Variants in GDPD1 observed in about 807,000 individuals in gnomAD.
GDPD1 encodes the protein lysophospholipase D GDPD1.
Under a neutral mutation model 45.1 loss-of-function variants are expected in GDPD1, and 28 were observed. The ratio of observed to expected loss-of-function variants is 0.62; its 90% CI spans 0.46 to 0.85. The LOEUF (loss-of-function observed/expected upper bound fraction) is 0.85. GDPD1 is among the 40% of genes least tolerant of loss of function. The pLI is 0.00. For missense variants in GDPD1, 256 were observed against 364.8 expected (o/e 0.70, Z 2.43); for synonymous variants, 139 against 131.4 (o/e 1.06, Z -0.40).
chr17:59,251,876 T>C (rs1424888352), intron 4 of GDPD1, among the ~76,000 whole-genome samples: 1 of 148,150 alleles, frequency 6.7e-6, no homozygotes, highest in Non-Finnish European at 1.5e-5. Flanking sequence ...CCAGGCATGG[T>C]GGTATGCACC....
At chr17:59,258,353 G>A (rs2047325684) in intron 6 of GDPD1, among the ~76,000 whole-genome samples, 1 of 152,010 alleles carries the variant, frequency 6.6e-6, no homozygotes, top group African/African-American at 2.4e-5. Context: ...AGACCAACCT[G>A]GCCAATATGG....
intron 2 of GDPD1, among the ~76,000 whole-genome samples, chr17:59,244,508 T>C (rs2047196954): frequency 6.6e-6 from 1 of 152,100 alleles, no homozygotes; most frequent in Non-Finnish European, 1.5e-5. Context: ...TTTTTTTGTA[T>C]TTTTAGTAGA....
chr17:59,234,441 C>A (rs183724358), intron 1 of GDPD1, 51 bp from the exon 2 acceptor site: 4 of 1,104,746 alleles, frequency 3.6e-6, no homozygotes, highest in Non-Finnish European at 5.4e-6. Flanking sequence ...AAATTAACTT[C>A]AGGAAAATTA....
intron 8 of GDPD1, among the ~76,000 whole-genome samples, chr17:59,271,879 C>G (rs915671304): frequency 6.6e-6 from 1 of 152,030 alleles, no homozygotes; most frequent in Non-Finnish European, 1.5e-5. Flanking sequence ...ATGTGATCTG[C>G]CCACCTCAGC....
At chr17:59,255,627 C>T (rs2047290474) in intron 4 of GDPD1, among the ~76,000 whole-genome samples, 1 of 147,008 alleles carries the variant, frequency 6.8e-6, no homozygotes, top group African/African-American at 2.5e-5. Context: ...CCTGTAATCC[C>T]AGCTACTTAG....
chr17:59,266,127 T>G (rs1046005801), intron 6 of GDPD1, among the ~76,000 whole-genome samples: 4 of 151,852 alleles, frequency 2.6e-5, no homozygotes, highest in African/African-American at 9.7e-5. Flanking sequence ...TGGCTCACAC[T>G]TGTAATCCCA....
chr17:59,255,756 A>G (rs1463265503), intron 4 of GDPD1, among the ~76,000 whole-genome samples: 1 of 80,806 alleles, frequency 1.2e-5, no homozygotes, highest in Admixed American at 1.3e-4. Context: ...AAAAAAAAAA[A>G]AAAAAAATAT....
chr17:59,263,431 T>C (rs2047373407), intron 6 of GDPD1, among the ~76,000 whole-genome samples: 1 of 151,794 alleles, frequency 6.6e-6, no homozygotes, highest in African/African-American at 2.4e-5. Context: ...TCTTTCATAT[T>C]GCCAACATAC....
intron 7 of GDPD1, among the ~76,000 whole-genome samples, 188 bp downstream of exon 7, chr17:59,267,362 C>T (rs957554394): frequency 1.3e-5 from 2 of 152,076 alleles, no homozygotes; most frequent in African/African-American, 4.8e-5. Flanking sequence ...AATCAGGACC[C>T]ATCTCAGATT....
intron 7 of GDPD1, among the ~76,000 whole-genome samples, chr17:59,270,588 T>TTA (rs2047437200): frequency 6.6e-6 from 1 of 152,114 alleles, no homozygotes. Flanking sequence ...ATTTGCCACA[T>TTA]ACTAAATTGT....
At chr17:59,268,945 G>A (rs1301205499) in intron 7 of GDPD1, among the ~76,000 whole-genome samples, 1 of 151,936 alleles carries the variant, frequency 6.6e-6, no homozygotes, top group Non-Finnish European at 1.5e-5. Flanking sequence ...AGCCAAGATC[G>A]CGCCACTGCA....
rs983213658 is a variant in GDPD1 at position 59,271,090 on chromosome 17, T to C, written c.770+95T>C. The C allele has an allele frequency of 2.0e-5, 15 of 743,114 alleles. No individual in the cohort carries two copies. The African/African-American group carries it at 2.7e-4, about 13-fold the overall frequency. 46.0% of individuals were successfully genotyped at this position (743,114 alleles called of 1,614,324 possible). A position where few individuals can be genotyped will look rare whatever the true frequency, so the allele number is the denominator to read the frequency against. On this transcript the variant is annotated intron_variant, in intron 8 of 9. Coordinates refer to ENST00000284116, the MANE Select transcript of GDPD1 (RefSeq NM_182569.4). ...TGTTGTGCAAGCTTTCCACATGTAA[T>C]TTGTAACAAGGACAAATTGAGCACC...
chr17:59,246,313 A>T (rs557463352), intron 3 of GDPD1, among the ~76,000 whole-genome samples: 41 of 151,678 alleles, frequency 2.7e-4, no homozygotes, highest in African/African-American at 9.9e-4. Context: ...AATTTTAGAC[A>T]CTTTAAAATT....
At chr17:59,271,419 A>T (rs746334428) in intron 8 of GDPD1, among the ~76,000 whole-genome samples, 4 of 152,198 alleles carry the variant, frequency 2.6e-5, no homozygotes, top group Non-Finnish European at 5.9e-5. Flanking sequence ...AACAGCAGAA[A>T]GGAAATCCCA....
rs2047417755 is a variant in GDPD1, at chr17:59,268,579, A to C, written c.710+1405A>C. On this transcript the variant is annotated intron_variant, in intron 7 of 9. Coordinates refer to ENST00000284116, the MANE Select transcript of GDPD1 (RefSeq NM_182569.4). ...GGGCGACAGAGCGAGACTCTGTCTC[A>C]AAAAAAAAAAAAAAAAAAAAAAAGA... is the stretch of plus-strand genomic sequence containing the variant. 8.5e-5 allele frequency among the ~76,000 whole-genome samples: 7 copies of C among 82,252 alleles called. No individual in the cohort carries two copies. The South Asian group carries it at 2.2e-3, about 26-fold the overall frequency. The allele number at this position is 82,252 out of a possible 152,430, so 54.0% of individuals were successfully genotyped here.
chr17:59,268,585 A>G (rs1434355070), intron 7 of GDPD1, among the ~76,000 whole-genome samples: 2 of 143,330 alleles, frequency 1.4e-5, no homozygotes, highest in Non-Finnish European at 3.0e-5. Flanking sequence ...TCTCAAAAAA[A>G]AAAAAAAAAA....
intron 7 of GDPD1, 53 bp from the exon 8 acceptor site, chr17:59,270,883 A>G: frequency 1.9e-6 from 2 of 1,076,532 alleles, no homozygotes; most frequent in Non-Finnish European, 2.8e-6. Flanking sequence ...ATTTTATCAC[A>G]CTGATATATT....
At chr17:59,239,289 G>C (rs1474646569) in intron 2 of GDPD1, among the ~76,000 whole-genome samples, 1 of 152,092 alleles carries the variant, frequency 6.6e-6, no homozygotes, top group Non-Finnish European at 1.5e-5. Flanking sequence ...ATTTTAAGTT[G>C]TTATGCATTG....
chr17:59,272,932 C>G (rs1302254942), intron 9 of GDPD1, 96 bp downstream of exon 9: 1 of 1,606,022 alleles, frequency 6.2e-7, no homozygotes, highest in Non-Finnish European at 8.5e-7. Context: ...TAGTTTGGCC[C>G]TTGACTCTGA....
Sources: allele counts gnomAD v4.1 joint callset (sites outside exome capture counted in the v4.1 genomes callset), GRCh38; gene constraint gnomAD v4.1.1; transcripts MANE v1.5; gene names NCBI Gene and HGNC (gene_info 2026-07-23, HGNC 2026-07-21).